ZSCAN1: variants seen among roughly 807,000 people sequenced by gnomAD.
ZSCAN1 encodes the protein zinc finger and SCAN domain containing 1.
A neutral mutation model predicts 23.8 loss-of-function variants in ZSCAN1; 23 were observed. The observed-to-expected ratio is 0.97, with a 90% confidence interval of 0.70 to 1.37. The LOEUF (loss-of-function observed/expected upper bound fraction) is 1.37. Among genes scored for constraint, ZSCAN1 ranks in the 40% most tolerant of loss-of-function variants. ZSCAN1 has a pLI of 0.00. For synonymous variants in ZSCAN1, 236 were observed against 232.3 expected, an observed-to-expected ratio of 1.02 and a Z score of -0.15; for missense variants, 575 against 554.0, an observed-to-expected ratio of 1.04 and a Z score of -0.38.
At chr19:58,055,579 C>G (rs2073885454), downstream of ZSCAN1, among the ~76,000 whole-genome samples, 1 of 152,202 alleles carries the variant, frequency 6.6e-6, no homozygotes, top group South Asian at 2.1e-4. Context: ...GGTCTTGGCC[C>G]CGCAGTCAGC....
At chr19:58,034,528 C>A (rs903675466) in intron 1 of ZSCAN1, among the ~76,000 whole-genome samples, 7 of 152,104 alleles carry the variant, frequency 4.6e-5, no homozygotes, top group Admixed American at 2.6e-4. Context: ...CGCTCGGCCG[C>A]GTCCAAGTTC....
chr19:58,037,846 C>A lies in ZSCAN1; in HGVS notation c.10C>A (p.Arg4=), dbSNP rs754615387. 281 of 1,485,562 alleles carry A rather than the reference C, an allele frequency of 1.9e-4. No individual in the cohort carries two copies. The highest frequency in any genetic ancestry group is 2.5e-4 in the Non-Finnish European group (277 of 1,119,674). 92.0% of individuals were successfully genotyped at this position (1,485,562 alleles called of 1,614,324 possible). Residue 4 remains arginine (R), a synonymous_variant, in exon 3 of 6, where the codon CGG becomes AGG. Transcript: ENST00000282326. ...CACTGTGGCCAGAGAAATGCTTCCA[C>A]GGCCCAAAGCCCCTGCCTCCCCCAG... MLP[R]PKAPASPRRP... is the part of the protein sequence containing the mutation.
chr19:58,051,489 C>T (rs1016818044), intron 4 of ZSCAN1, among the ~76,000 whole-genome samples: 3 of 151,620 alleles, frequency 2.0e-5, no homozygotes, highest in Non-Finnish European at 2.9e-5. Flanking sequence ...CTCCCTCCTC[C>T]GTCTCTAGCC....
chr19:58,053,774 A>G lies in ZSCAN1; in HGVS notation c.950A>G (p.Glu317Gly). Residue 317 changes from glutamate (E) to glycine (G), a missense_variant, in exon 6 of 6, where the codon GAA (glutamate) becomes GGA (glycine). Glu to Gly is a moderately conservative substitution (Grantham distance 98, BLOSUM62 -2). Coordinates refer to ENST00000282326, the MANE Select transcript of ZSCAN1 (RefSeq NM_182572.4). The surrounding 1 kb of genome is among the most constrained non-coding windows in gnomAD (Gnocchi z 5.8). ...FIEHQKTHRE[E>G]GPFPCPECGK... is the part of the protein sequence containing the mutation. ...GAGCACCAGAAGACCCATCGCGAGG[A>G]AGGGCCCTTTCCGTGCCCCGAGTGT... The G allele has an allele frequency of 6.2e-7, 1 of 1,614,076 alleles. No homozygotes were observed. The highest frequency in any genetic ancestry group is 8.5e-7 in the Non-Finnish European group (1 of 1,180,012).
At chr19:58,034,765 C>A (rs1401549419) in intron 1 of ZSCAN1, among the ~76,000 whole-genome samples, 2 of 144,314 alleles carry the variant, frequency 1.4e-5, no homozygotes, top group African/African-American at 2.6e-5. Flanking sequence ...CATCCTCCCC[C>A]CAACCAGCCG....
chr19:58,052,886 G>A (rs2073867029), intron 5 of ZSCAN1, among the ~76,000 whole-genome samples: 1 of 152,008 alleles, frequency 6.6e-6, no homozygotes, highest in African/African-American at 2.4e-5. Flanking sequence ...GAGTGTTGGA[G>A]CACGGGGTTA....
chr19:58,045,104 C>CCA lies in ZSCAN1; in HGVS notation c.465+4564_465+4565dup, dbSNP rs1349993420. The stretch of plus-strand genomic sequence containing the variant: ...ACCATGGCTTCCGCCTGCTACGGAT[C>CCA]CACACCAAGATCGCAGCACGCATGC... On this transcript the variant is annotated intron_variant, in intron 4 of 5. Coordinates refer to ENST00000282326, the MANE Select transcript of ZSCAN1 (RefSeq NM_182572.4). This position sits in a 1 kb window ranked among gnomAD's most constrained non-coding sequence, Gnocchi z 4.3. 8.0e-7 allele frequency: 1 copy of CCA among 1,243,792 alleles called. No homozygotes were observed. Among genetic ancestry groups the CCA allele is most frequent in the African/African-American group, 1.5e-5 (1 of 67,916 alleles). 77.0% of individuals were successfully genotyped at this position (1,243,792 alleles called of 1,614,324 possible).
intron 2 of ZSCAN1, among the ~76,000 whole-genome samples, chr19:58,036,515 CTTTTT>C (rs66483587): frequency 3.2e-5 from 3 of 93,436 alleles, no homozygotes; most frequent in Admixed American, 1.1e-4. Flanking sequence ...TTTTTCTTTT[CTTTTT>C]TTTTTTTTTT....
chr19:58,045,258 CT>C lies in ZSCAN1; in HGVS notation c.465+4715del, dbSNP rs936221513. ...GGTGGTGCCGTTCGTGGAGTTTCTG[CT>C]GCCTGTTGCTGTGAAACTCTTCCCC... On this transcript the variant is annotated intron_variant, in intron 4 of 5. Transcript: ENST00000282326. This position sits in a 1 kb window ranked among gnomAD's most constrained non-coding sequence, Gnocchi z 4.3. 2 of 794,426 alleles carry C rather than the reference CT, an allele frequency of 2.5e-6. No homozygotes were observed. The highest frequency in any genetic ancestry group is 3.4e-5 in the African/African-American group (2 of 59,388). 49.2% of individuals were successfully genotyped at this position (794,426 alleles called of 1,614,324 possible). A position where few individuals can be genotyped will look rare whatever the true frequency, so the allele number is the denominator to read the frequency against.
intron 4 of ZSCAN1, chr19:58,046,470 C>G: frequency 1.2e-6 from 1 of 849,944 alleles, no homozygotes; most frequent in South Asian, 1.3e-5. Flanking sequence ...GCAAGCTGGC[C>G]CCGGCCAAGG....
At chr19:58,038,260 G>C in intron 3 of ZSCAN1, 54 bp downstream of exon 3, 3 of 1,548,600 alleles carry the variant, frequency 1.9e-6, no homozygotes, top group South Asian at 2.4e-5. Context: ...TGACGTCTCC[G>C]AGGACCGAAC....
intron 4 of ZSCAN1, among the ~76,000 whole-genome samples, chr19:58,048,794 A>G (rs1339899308): frequency 4.6e-5 from 7 of 151,732 alleles, no homozygotes; most frequent in Non-Finnish European, 1.0e-4. Flanking sequence ...TCACTCTGTC[A>G]CCCAGACTGG....
chr19:58,051,951 G>A (rs900604125), intron 4 of ZSCAN1, among the ~76,000 whole-genome samples: 21 of 152,246 alleles, frequency 1.4e-4, no homozygotes, highest in African/African-American at 3.1e-4. Flanking sequence ...CGCTTTGGGC[G>A]GGACACGGTT....
In ZSCAN1 at chr19:58,045,545, G is replaced by A. The variant is rs960514161; in HGVS notation, c.465+5001G>A. On this transcript the variant is annotated intron_variant, in intron 4 of 5. Transcript: ENST00000282326. This position sits in a 1 kb window ranked among gnomAD's most constrained non-coding sequence, Gnocchi z 4.3. Reference sequence around the variant, plus strand: ...AGGATGAGCTGACCCTTGACAACCTGACACGGCCGCAGCTGGTGGCCCTGT... The same window carrying A: ...AGGATGAGCTGACCCTTGACAACCTAACACGGCCGCAGCTGGTGGCCCTGT... 8.7e-6 allele frequency: 12 copies of A among 1,373,198 alleles called. No individual in the cohort carries two copies. Among genetic ancestry groups the A allele is most frequent in the Middle Eastern group, 2.3e-4 (1 of 4,356 alleles). 85.1% of individuals were successfully genotyped at this position (1,373,198 alleles called of 1,614,324 possible).
In ZSCAN1 at chr19:58,054,085, G is replaced by A. The variant is rs778084618; in HGVS notation, c.*34G>A. 11 of 1,455,142 alleles carry A rather than the reference G, an allele frequency of 7.6e-6. No homozygotes were observed. The highest frequency in any genetic ancestry group is 9.0e-6 in the Non-Finnish European group (10 of 1,105,668). The allele number at this position is 1,455,142 out of a possible 1,614,324, so 90.1% of individuals were successfully genotyped here. A position where few individuals can be genotyped will look rare whatever the true frequency, so the allele number is the denominator to read the frequency against. On this transcript the variant is annotated 3_prime_UTR_variant, in exon 6 of 6. Transcript: ENST00000282326. This position sits in a 1 kb window ranked among gnomAD's most constrained non-coding sequence, Gnocchi z 4.2. ...CCTCGGGCCTCGGCCACCCGGCCCT[G>A]AGTCCCTGGGGGGAGCTGATGGGCC...
intron 4 of ZSCAN1, among the ~76,000 whole-genome samples, chr19:58,051,737 C>T (rs987079961): frequency 5.9e-5 from 9 of 152,192 alleles, no homozygotes; most frequent in Non-Finnish European, 8.8e-5. Flanking sequence ...GACACGACTC[C>T]GTTGCAGTTT....
chr19:58,051,985 G>A (rs1249098263), intron 4 of ZSCAN1, among the ~76,000 whole-genome samples: 2 of 152,230 alleles, frequency 1.3e-5, no homozygotes, highest in East Asian at 1.9e-4. Context: ...GTCATAGGTC[G>A]CAGGTGGGAT....
rs2073821638 is a variant in ZSCAN1, at chr19:58,045,814, C to T, written c.465+5270C>T. On this transcript the variant is annotated intron_variant, in intron 4 of 5. Transcript: ENST00000282326. This position sits in a 1 kb window ranked among gnomAD's most constrained non-coding sequence, Gnocchi z 4.3. ...GGAGATCCCCACATCGCTGCTCATC[C>T]TGTCCCGGACCATGTAGCTCCCGGA... 5.2e-6 allele frequency: 8 copies of T among 1,526,140 alleles called. No homozygotes were observed. Among genetic ancestry groups the T allele is most frequent in the Non-Finnish European group, 6.4e-6 (7 of 1,100,610 alleles). 94.5% of individuals were successfully genotyped at this position (1,526,140 alleles called of 1,614,324 possible). A position where few individuals can be genotyped will look rare whatever the true frequency, so the allele number is the denominator to read the frequency against.
At position 58,045,334 on chromosome 19, in the gene ZSCAN1, TGAA is replaced by T; in HGVS notation, c.465+4792_465+4794del. On this transcript the variant is annotated intron_variant, in intron 4 of 5. Transcript: ENST00000282326. This position sits in a 1 kb window ranked among gnomAD's most constrained non-coding sequence, Gnocchi z 4.3. ...ACTCAGTCCATCAAGGAGAAGAGGC[TGAA>T]GGAGCTTCAGGTCAAGCTGGAGCTA... 1.3e-6 allele frequency: 1 copy of T among 798,998 alleles called. No homozygotes were observed. The highest frequency in any genetic ancestry group is 2.3e-6 in the Non-Finnish European group (1 of 435,356). The allele number at this position is 798,998 out of a possible 1,614,324, so 49.5% of individuals were successfully genotyped here.
Sources: allele counts gnomAD v4.1 joint callset (sites outside exome capture counted in the v4.1 genomes callset), GRCh38; gene constraint gnomAD v4.1.1; non-coding constraint Gnocchi (gnomAD v3.1); transcripts MANE v1.5; gene names NCBI Gene and HGNC (gene_info 2026-07-23, HGNC 2026-07-21).